Variants in SGCZ observed in about 807,000 individuals in gnomAD.
The protein encoded by SGCZ is sarcoglycan zeta.
A neutral mutation model predicts 41.3 loss-of-function variants in SGCZ; 40 were observed. The observed-to-expected ratio is 0.97, with a 90% confidence interval of 0.75 to 1.26. SGCZ has a LOEUF of 1.26. Ranked by LOEUF, SGCZ falls within the 50% of genes most tolerant of loss-of-function variation. SGCZ has a pLI of 0.00. For synonymous variants in SGCZ, 206 were observed against 137.5 expected, an observed-to-expected ratio of 1.50 and a Z score of -3.49; for missense variants, 552 against 369.8, an observed-to-expected ratio of 1.49 and a Z score of -4.04.
chr8:15,160,110 C>A (rs931519954), intron 1 of SGCZ, among the ~76,000 whole-genome samples: 1 of 152,032 alleles, frequency 6.6e-6, no homozygotes, highest in South Asian at 2.1e-4. Flanking sequence ...TGTTGTATAA[C>A]CAGTCTCCAA....
At chr8:14,256,247 A>T (rs1799461534) in intron 3 of SGCZ, among the ~76,000 whole-genome samples, 1 of 152,138 alleles carries the variant, frequency 6.6e-6, no homozygotes, top group African/African-American at 2.4e-5. Context: ...TCTTCCATAT[A>T]GCCATCCTAA....
At chr8:14,687,527 T>C (rs1808654358) in intron 1 of SGCZ, among the ~76,000 whole-genome samples, 1 of 151,934 alleles carries the variant, frequency 6.6e-6, no homozygotes, top group Admixed American at 6.6e-5. Flanking sequence ...CATGAACTCA[T>C]CATTTTTTAT....
intron 1 of SGCZ, among the ~76,000 whole-genome samples, chr8:14,740,611 C>T (rs150127541): frequency 6.6e-6 from 1 of 152,046 alleles, no homozygotes; most frequent in East Asian, 1.9e-4. Context: ...GACATAGGCA[C>T]AACTCAGTTT....
chr8:14,839,285 G>T (rs965381323), intron 1 of SGCZ, among the ~76,000 whole-genome samples: 1 of 152,120 alleles, frequency 6.6e-6, no homozygotes, highest in Admixed American at 6.6e-5. Context: ...AAGTGTTTAC[G>T]CAATGAGTAG....
chr8:14,249,171 A>G (rs1244933111), intron 3 of SGCZ, among the ~76,000 whole-genome samples: 1 of 152,150 alleles, frequency 6.6e-6, no homozygotes, highest in Non-Finnish European at 1.5e-5. Flanking sequence ...CCTAAATAGA[A>G]TAACAAGGCA....
chr8:14,577,073 A>G (rs1161684353), intron 1 of SGCZ, among the ~76,000 whole-genome samples: 1 of 152,240 alleles, frequency 6.6e-6, no homozygotes, highest in Non-Finnish European at 1.5e-5. Context: ...GCCAAAAGGT[A>G]TATTTGAATG....
intron 1 of SGCZ, among the ~76,000 whole-genome samples, chr8:14,665,748 TTTC>T (rs1807890240): frequency 2.0e-5 from 3 of 152,198 alleles, no homozygotes; most frequent in African/African-American, 7.2e-5. Context: ...GCATCTATAT[TTTC>T]TTCTTCTATT....
intron 2 of SGCZ, among the ~76,000 whole-genome samples, chr8:14,470,159 G>T (rs1298009303): frequency 2.6e-5 from 4 of 151,926 alleles, no homozygotes; most frequent in Admixed American, 2.6e-4. Flanking sequence ...AAAGACAACT[G>T]GTGTCCACTA....
intron 1 of SGCZ, among the ~76,000 whole-genome samples, chr8:15,073,522 G>C (rs1178230406): frequency 1.3e-5 from 2 of 152,168 alleles, no homozygotes; most frequent in South Asian, 4.1e-4. Context: ...CCAAACACCA[G>C]CATAGATGTT....
In SGCZ at chr8:14,825,029, A is replaced by G. The variant is rs557330452; in HGVS notation, c.40-270103T>C. ...CCAAACTGAAAATACTGTTTCCCAC[A>G]CTATACTAAACTGAATTTCCTTCAA... On this transcript the variant is annotated intron_variant, in intron 1 of 7. Coordinates refer to ENST00000382080, the MANE Select transcript of SGCZ (RefSeq NM_139167.4). 1.1e-4 allele frequency among the ~76,000 whole-genome samples: 16 copies of G among 152,244 alleles called. No individual in the cohort carries two copies. The South Asian group carries it at 3.3e-3, about 32-fold the overall frequency.
chr8:14,901,361 G>C (rs1798961754), intron 1 of SGCZ, among the ~76,000 whole-genome samples: 1 of 152,140 alleles, frequency 6.6e-6, no homozygotes, highest in Non-Finnish European at 1.5e-5. Context: ...CATCTAATGA[G>C]TCACCACACA....
At chr8:15,222,578 A>T (rs908944843) in intron 1 of SGCZ, among the ~76,000 whole-genome samples, 2 of 152,134 alleles carry the variant, frequency 1.3e-5, no homozygotes, top group African/African-American at 4.8e-5. Flanking sequence ...AATTAGAAGG[A>T]ATTTTTCACA....
intron 4 of SGCZ, among the ~76,000 whole-genome samples, chr8:14,198,714 C>A (rs191202642): frequency 2.0e-4 from 31 of 152,248 alleles, no homozygotes; most frequent in African/African-American, 6.7e-4. Context: ...ACGGAGGGAC[C>A]AGCTGAAGCC....
In SGCZ at chr8:15,002,031, A is replaced by G. The variant is rs551305643; in HGVS notation, c.39+235554T>C. 3.5e-4 allele frequency among the ~76,000 whole-genome samples: 54 copies of G among 152,328 alleles called. No homozygotes were observed. In the South Asian group the frequency reaches 0.011, roughly 31 times the overall value. ...TAGCACACATAAAAGAACATAAAAC[A>G]TAAGTGTTATCCTTCTCAAAAATTG... On this transcript the variant is annotated intron_variant, in intron 1 of 7. Coordinates refer to ENST00000382080, the MANE Select transcript of SGCZ (RefSeq NM_139167.4).
intron 4 of SGCZ, among the ~76,000 whole-genome samples, chr8:14,212,697 T>C (rs1805858686): frequency 6.6e-6 from 1 of 151,902 alleles, no homozygotes; most frequent in South Asian, 2.1e-4. Context: ...AGAAGGGAAA[T>C]CACAACTTGG....
intron 2 of SGCZ, among the ~76,000 whole-genome samples, chr8:14,489,911 G>A (rs7835793): frequency 0.02 from 2,767 of 135,634 alleles, 33 homozygotes; most frequent in Non-Finnish European, 0.031. Context: ...CTGTCGCCCA[G>A]ACTGGAGTAC....
At chr8:14,598,427 G>GA (rs1317795896) in intron 1 of SGCZ, among the ~76,000 whole-genome samples, 6 of 151,712 alleles carry the variant, frequency 4.0e-5, no homozygotes, top group African/African-American at 1.5e-4. Flanking sequence ...ATGTTTTCAG[G>GA]AAAAATTTTG....
intron 1 of SGCZ, among the ~76,000 whole-genome samples, chr8:14,859,697 T>G (rs1313279740): frequency 4.6e-5 from 7 of 152,158 alleles, no homozygotes; most frequent in Non-Finnish European, 1.0e-4. Flanking sequence ...CAAAGTTACA[T>G]CTGCATGATA....
intron 1 of SGCZ, among the ~76,000 whole-genome samples, chr8:15,170,609 G>C (rs1371499683): frequency 6.6e-6 from 1 of 152,166 alleles, no homozygotes; most frequent in Non-Finnish European, 1.5e-5. Context: ...ATGTGTCCCT[G>C]GAATCCAGGT....
Sources: allele counts gnomAD v4.1 joint callset (sites outside exome capture counted in the v4.1 genomes callset), GRCh38; gene constraint gnomAD v4.1.1; transcripts MANE v1.5; gene names NCBI Gene and HGNC (gene_info 2026-07-23, HGNC 2026-07-21).